SLC35F4: variants seen among roughly 807,000 people sequenced by gnomAD.
SLC35F4 encodes chromosome 14 open reading frame 36.
A neutral mutation model predicts 44.2 loss-of-function variants in SLC35F4; 24 were observed. The observed-to-expected ratio is 0.54, with a 90% confidence interval of 0.39 to 0.76. SLC35F4 has a LOEUF of 0.76. Among genes scored for constraint, SLC35F4 ranks in the 30% least tolerant of loss-of-function variants. SLC35F4 has a pLI of 0.00. For missense variants in SLC35F4, 562 were observed against 586.1 expected (o/e 0.96, Z 0.42); for synonymous variants, 238 against 223.6 (o/e 1.06, Z -0.57).
chr14:57,673,919 A>G (rs1279212253), intron 1 of SLC35F4, among the ~76,000 whole-genome samples: 2 of 152,128 alleles, frequency 1.3e-5, no homozygotes, highest in Non-Finnish European at 2.9e-5. Flanking sequence ...GATTTAACAA[A>G]GAATACAGTA....
At chr14:57,791,393 T>C (rs1001082472) in intron 1 of SLC35F4, among the ~76,000 whole-genome samples, 3 of 152,258 alleles carry the variant, frequency 2.0e-5, no homozygotes, top group Non-Finnish European at 4.4e-5. Flanking sequence ...TCATCATCAC[T>C]GCTCATTAGA....
intron 1 of SLC35F4, among the ~76,000 whole-genome samples, chr14:57,938,401 G>T (rs1711870336): frequency 6.6e-6 from 1 of 152,186 alleles, no homozygotes; most frequent in African/African-American, 2.4e-5. Context: ...GAGGTTCAGG[G>T]AGTCAGACAG....
At chr14:57,828,032 T>C (rs971583702) in intron 1 of SLC35F4, among the ~76,000 whole-genome samples, 49 of 152,082 alleles carry the variant, frequency 3.2e-4, no homozygotes, top group Admixed American at 3.2e-3. Flanking sequence ...TAATTTCCAT[T>C]AAAGGGACCT....
intron 1 of SLC35F4, among the ~76,000 whole-genome samples, chr14:57,600,481 A>C (rs1210455606): frequency 6.6e-6 from 1 of 150,874 alleles, no homozygotes; most frequent in Non-Finnish European, 1.5e-5. Context: ...TCACGAGGTC[A>C]GGAGATCGAG....
chr14:57,712,393 C>T (rs559526052), intron 1 of SLC35F4, among the ~76,000 whole-genome samples: 8 of 152,190 alleles, frequency 5.3e-5, no homozygotes, highest in African/African-American at 1.9e-4. Context: ...GCACATAAGT[C>T]ATGATTAACA....
chr14:57,683,817 A>G (rs1019260472), intron 1 of SLC35F4, among the ~76,000 whole-genome samples: 18 of 152,074 alleles, frequency 1.2e-4, no homozygotes, highest in Admixed American at 6.5e-5. Context: ...GAAAGGGGCT[A>G]TGGGCTGCCT....
At chr14:57,863,207 C>A (rs1263543852) in intron 1 of SLC35F4, among the ~76,000 whole-genome samples, 1 of 152,212 alleles carries the variant, frequency 6.6e-6, no homozygotes, top group Non-Finnish European at 1.5e-5. Flanking sequence ...TATATTTACT[C>A]AATAACTGTT....
intron 1 of SLC35F4, among the ~76,000 whole-genome samples, chr14:57,843,137 C>T (rs1885658227): frequency 6.6e-6 from 1 of 152,162 alleles, no homozygotes; most frequent in South Asian, 2.1e-4. Flanking sequence ...GTCTGGCTTC[C>T]TTGCTCCTCA....
chr14:57,651,911 C>T (rs1284110631), intron 1 of SLC35F4, among the ~76,000 whole-genome samples: 1 of 152,188 alleles, frequency 6.6e-6, no homozygotes, highest in East Asian at 1.9e-4. Flanking sequence ...CAATATGACT[C>T]CACAGCAGCA....
At chr14:57,781,575 G>A (rs528194198) in intron 1 of SLC35F4, among the ~76,000 whole-genome samples, 9 of 152,208 alleles carry the variant, frequency 5.9e-5, no homozygotes, top group Admixed American at 4.6e-4. Context: ...ATACCCAAAG[G>A]AATATAAATC....
intron 1 of SLC35F4, among the ~76,000 whole-genome samples, chr14:57,924,655 G>A (rs1000421514): frequency 3.3e-5 from 5 of 151,994 alleles, no homozygotes; most frequent in African/African-American, 1.2e-4. Context: ...CACCGTGTTA[G>A]CCAGGATGGT....
upstream of SLC35F4, among the ~76,000 whole-genome samples, chr14:57,870,156 G>GTGTGTGTGTGTC (rs1211320834): frequency 4.0e-4 from 61 of 150,968 alleles, no homozygotes; most frequent in African/African-American, 1.4e-3. Flanking sequence ...GTGTGTGTGT[G>GTGTGTGTGTGTC]TCTGTGTCTC....
intron 1 of SLC35F4, among the ~76,000 whole-genome samples, chr14:57,839,803 G>A (rs879733940): frequency 2.6e-5 from 4 of 152,084 alleles, no homozygotes; most frequent in Admixed American, 2.6e-4. Flanking sequence ...ACAGCTCCAG[G>A]GACCTGAATT....
intron 1 of SLC35F4, among the ~76,000 whole-genome samples, chr14:57,924,576 G>A (rs1889513191): frequency 6.6e-6 from 1 of 151,996 alleles, no homozygotes; most frequent in African/African-American, 2.4e-5. Flanking sequence ...AGCCTCCTGA[G>A]TAGCTGGGAC....
At chr14:57,668,870 G>A (rs1408055214) in intron 1 of SLC35F4, among the ~76,000 whole-genome samples, 1 of 152,070 alleles carries the variant, frequency 6.6e-6, no homozygotes, top group Non-Finnish European at 1.5e-5. Flanking sequence ...TGTGAACAAA[G>A]TCATTGGTAG....
intron 1 of SLC35F4, among the ~76,000 whole-genome samples, chr14:57,932,810 C>T (rs908719678): frequency 1.3e-5 from 2 of 151,974 alleles, no homozygotes; most frequent in Admixed American, 6.6e-5. Context: ...GGTCATACCA[C>T]TGCACTCAAA....
At chr14:57,787,888 A>C (rs912483327) in intron 1 of SLC35F4, among the ~76,000 whole-genome samples, 2 of 152,214 alleles carry the variant, frequency 1.3e-5, no homozygotes, top group Non-Finnish European at 2.9e-5. Flanking sequence ...ACACGCAACA[A>C]AGAGCTGGAT....
intron 1 of SLC35F4, among the ~76,000 whole-genome samples, chr14:57,948,608 C>A (rs372450282): frequency 6.6e-6 from 1 of 151,738 alleles, no homozygotes; most frequent in East Asian, 1.9e-4. Context: ...TTATCTAGTT[C>A]CTTGAGGTGT....
chr14:57,624,224 C>T (rs185290175), intron 1 of SLC35F4, among the ~76,000 whole-genome samples: 2 of 152,156 alleles, frequency 1.3e-5, no homozygotes, highest in African/African-American at 2.4e-5. Flanking sequence ...TTCCTGGACA[C>T]ATACACCCTC....
Sources: gnomAD v4.1 joint callset for allele counts (sites outside exome capture counted in the v4.1 genomes callset) on GRCh38, gnomAD v4.1.1 for gene constraint, MANE v1.5 for transcripts, NCBI Gene and HGNC (gene_info 2026-07-23, HGNC 2026-07-21) for gene names.